The following RIMS2 variants were observed in gnomAD, a reference collection of about 807,000 sequenced individuals.
RIMS2 encodes the protein regulating synaptic membrane exocytosis 2, also known as regulating synaptic membrane exocytosis protein 2.
A neutral mutation model predicts 174.4 loss-of-function variants in RIMS2; 59 were observed. That is an observed-to-expected ratio of 0.34 (90% CI 0.27 to 0.42). The LOEUF (loss-of-function observed/expected upper bound fraction) is 0.42. Ranked by LOEUF, RIMS2 falls within the 10% of genes least tolerant of loss-of-function variation. The pLI, the probability that RIMS2 is intolerant of heterozygous loss-of-function variation, is 1.00. For synonymous variants in RIMS2, 606 were observed against 572.5 expected, an observed-to-expected ratio of 1.06 and a Z score of -0.84; for missense variants, 1,620 against 1,666.3, an observed-to-expected ratio of 0.97 and a Z score of 0.48.
intron 19 of RIMS2, among the ~76,000 whole-genome samples, chr8:104,095,480 A>T (rs2097743649): frequency 6.6e-6 from 1 of 152,170 alleles, no homozygotes; most frequent in African/African-American, 2.4e-5. Flanking sequence ...GAAAAAATAC[A>T]GGCAGCATGG....
At chr8:103,600,891 T>C (rs1213706647) in intron 1 of RIMS2, among the ~76,000 whole-genome samples, 1 of 152,222 alleles carries the variant, frequency 6.6e-6, no homozygotes, top group Non-Finnish European at 1.5e-5. Context: ...ATAAGCCATT[T>C]TAACTGTGGT....
intron 2 of RIMS2, among the ~76,000 whole-genome samples, chr8:103,715,981 G>A (rs895686313): frequency 1.1e-4 from 16 of 151,820 alleles, no homozygotes; most frequent in Non-Finnish European, 1.6e-4. Context: ...GATTTTGTTT[G>A]TAGGAAGAGT....
chr8:104,198,789 G>A (rs2099038648), intron 19 of RIMS2, among the ~76,000 whole-genome samples: 1 of 152,132 alleles, frequency 6.6e-6, no homozygotes, highest in African/African-American at 2.4e-5. Flanking sequence ...ACCAGAGACT[G>A]CCAAGGGAGC....
chr8:104,198,116 T>C (rs1194578220), intron 19 of RIMS2, among the ~76,000 whole-genome samples: 13 of 152,170 alleles, frequency 8.5e-5, no homozygotes. Flanking sequence ...GATGCATGCA[T>C]TTTATCCCAA....
At chr8:103,698,750 C>T (rs1590629730) in intron 2 of RIMS2, among the ~76,000 whole-genome samples, 1 of 152,114 alleles carries the variant, frequency 6.6e-6, no homozygotes, top group African/African-American at 2.4e-5. Context: ...GGACGACAGA[C>T]ACATGCCATG....
intron 3 of RIMS2, among the ~76,000 whole-genome samples, chr8:103,881,371 T>C (rs1209854279): frequency 2.6e-5 from 4 of 151,532 alleles, no homozygotes; most frequent in African/African-American, 9.7e-5. Context: ...ATGGTCAGAA[T>C]TATAGCTGGT....
At chr8:103,914,905 C>A (rs1436056602) in intron 6 of RIMS2, among the ~76,000 whole-genome samples, 2 of 151,970 alleles carry the variant, frequency 1.3e-5, no homozygotes, top group Non-Finnish European at 2.9e-5. Context: ...CATTTTTATT[C>A]ATTTTCTAAA....
intron 3 of RIMS2, among the ~76,000 whole-genome samples, chr8:103,793,752 AT>A (rs1215413187): frequency 2.0e-5 from 3 of 152,200 alleles, no homozygotes; most frequent in African/African-American, 7.2e-5. Flanking sequence ...TACAAAATCA[AT>A]GTGCAAAAAT....
At chr8:103,943,463 A>T (rs1255376813) in intron 14 of RIMS2, among the ~76,000 whole-genome samples, 1 of 152,150 alleles carries the variant, frequency 6.6e-6, no homozygotes, top group Admixed American at 6.5e-5. Context: ...CTTTGTTTAT[A>T]AAAGGGAAAT....
chr8:104,057,388 G>A (rs564427239), intron 19 of RIMS2, among the ~76,000 whole-genome samples: 5 of 151,732 alleles, frequency 3.3e-5, no homozygotes, highest in East Asian at 1.9e-4. Context: ...TTTTAATATC[G>A]AAACCTAAAA....
intron 3 of RIMS2, among the ~76,000 whole-genome samples, chr8:103,833,174 A>G (rs187629148): frequency 1.3e-5 from 2 of 152,280 alleles, no homozygotes; most frequent in African/African-American, 4.8e-5. Context: ...ACGTTTCTGT[A>G]GTTTAAACTG....
At chr8:103,678,687 A>G (rs951963966) in intron 1 of RIMS2, among the ~76,000 whole-genome samples, 3 of 151,940 alleles carry the variant, frequency 2.0e-5, no homozygotes, top group Admixed American at 1.3e-4. Context: ...TGTTTTGTAT[A>G]TGAATACGTT....
At chr8:103,727,723 C>T (rs1212092822) in intron 2 of RIMS2, among the ~76,000 whole-genome samples, 2 of 152,218 alleles carry the variant, frequency 1.3e-5, no homozygotes, top group East Asian at 3.9e-4. Flanking sequence ...GTTCTTGGCA[C>T]CTTTGTCAAA....
At chr8:104,061,798 C>G (rs1190711917) in intron 19 of RIMS2, among the ~76,000 whole-genome samples, 2 of 151,786 alleles carry the variant, frequency 1.3e-5, no homozygotes, top group African/African-American at 4.8e-5. Flanking sequence ...TACCATTATG[C>G]AATTAGATAA....
At chr8:103,565,433 T>C (rs1048604415) in intron 1 of RIMS2, among the ~76,000 whole-genome samples, 3 of 152,104 alleles carry the variant, frequency 2.0e-5, no homozygotes, top group Non-Finnish European at 4.4e-5. Context: ...GCCTTCCAAG[T>C]AGCCAGGACT....
chr8:104,053,848 C>T (rs952880559), intron 19 of RIMS2, among the ~76,000 whole-genome samples: 1 of 151,904 alleles, frequency 6.6e-6, no homozygotes, highest in Non-Finnish European at 1.5e-5. Flanking sequence ...AACTTTAAAG[C>T]CGAGAAGGCC....
At chr8:104,196,808 CT>C (rs2099026828) in intron 19 of RIMS2, among the ~76,000 whole-genome samples, 1 of 152,026 alleles carries the variant, frequency 6.6e-6, no homozygotes, top group Admixed American at 6.5e-5. Flanking sequence ...CTTAGTATAA[CT>C]TTAAAGTTTT....
At chr8:104,142,411 G>A (rs897123361) in intron 19 of RIMS2, among the ~76,000 whole-genome samples, 3 of 152,084 alleles carry the variant, frequency 2.0e-5, no homozygotes, top group Non-Finnish European at 4.4e-5. Flanking sequence ...TTACAGACGT[G>A]AGCCACTGCA....
chr8:104,003,417 CTT>C (rs56779976), intron 17 of RIMS2, among the ~76,000 whole-genome samples: 12 of 142,118 alleles, frequency 8.4e-5, no homozygotes, highest in African/African-American at 7.7e-5. Flanking sequence ...TGTGAAGAAT[CTT>C]TTTTTTTTTT....
Sources: allele counts gnomAD v4.1 joint callset (sites outside exome capture counted in the v4.1 genomes callset), GRCh38; gene constraint gnomAD v4.1.1; transcripts MANE v1.5; gene names NCBI Gene and HGNC (gene_info 2026-07-23, HGNC 2026-07-21).